Variants in C10orf143 observed in about 807,000 individuals in gnomAD.
The protein encoded by C10orf143 is chromosome 10 open reading frame 143, also known as uncharacterized protein C10orf143.
chr10:130,042,490 C>T (rs549144021), intron 3 of C10orf143, among the ~76,000 whole-genome samples: 2 of 152,372 alleles, frequency 1.3e-5, no homozygotes, highest in Admixed American at 1.3e-4. Flanking sequence ...AATTAGCTGG[C>T]GTGTTTGCTG....
intron 3 of C10orf143, among the ~76,000 whole-genome samples, chr10:130,046,526 C>T (rs1194619072): frequency 6.6e-6 from 1 of 152,202 alleles, no homozygotes; most frequent in Non-Finnish European, 1.5e-5. Context: ...TTCTTCATAA[C>T]CGAAGTGTGT....
intron 3 of C10orf143, among the ~76,000 whole-genome samples, chr10:130,037,830 G>C (rs999982886): frequency 1.3e-5 from 2 of 152,174 alleles, no homozygotes; most frequent in Admixed American, 1.3e-4. Flanking sequence ...CTTCAAATAT[G>C]AGGGGAAGAC....
At chr10:130,109,976 G>C (rs1033373457) in intron 1 of C10orf143, among the ~76,000 whole-genome samples, 8 of 152,144 alleles carry the variant, frequency 5.3e-5, no homozygotes, top group African/African-American at 1.9e-4. Context: ...TAAAATACAG[G>C]AATGCCAAGC....
intron 1 of C10orf143, among the ~76,000 whole-genome samples, chr10:130,090,713 T>G (rs1861367339): frequency 6.6e-6 from 1 of 152,078 alleles, no homozygotes; most frequent in Admixed American, 6.5e-5. Flanking sequence ...CCTGGGATGC[T>G]TGAGCTTGGT....
At chr10:130,063,645 G>C (rs548828167), downstream of C10orf143, among the ~76,000 whole-genome samples, 6 of 152,310 alleles carry the variant, frequency 3.9e-5, no homozygotes, top group African/African-American at 1.4e-4. Flanking sequence ...CAGTGCCGAG[G>C]ACACTCCCTG....
At chr10:130,090,735 G>A (rs923975460) in intron 1 of C10orf143, among the ~76,000 whole-genome samples, 2 of 152,114 alleles carry the variant, frequency 1.3e-5, no homozygotes, top group African/African-American at 2.4e-5. Flanking sequence ...GGGGGCGGGC[G>A]GGGCATCTGC....
chr10:130,042,690 C>T (rs1365652399), intron 3 of C10orf143, among the ~76,000 whole-genome samples: 2 of 152,302 alleles, frequency 1.3e-5, no homozygotes, highest in East Asian at 1.9e-4. Flanking sequence ...CCAGAGCTGC[C>T]GAAAGCCACA....
At chr10:130,097,836 C>T (rs2134800515) in intron 1 of C10orf143, among the ~76,000 whole-genome samples, 1 of 152,184 alleles carries the variant, frequency 6.6e-6, no homozygotes, top group Middle Eastern at 3.4e-3. Flanking sequence ...ACTCCCTTTA[C>T]AAGAAAGTTC....
intron 3 of C10orf143, among the ~76,000 whole-genome samples, chr10:130,078,784 A>G (rs1364059636): frequency 6.6e-6 from 1 of 152,192 alleles, no homozygotes; most frequent in Non-Finnish European, 1.5e-5. Context: ...TATTGACTCA[A>G]TCTTTTGCTT....
At chr10:130,085,773 AGTT>A (rs1861281649) in intron 1 of C10orf143, among the ~76,000 whole-genome samples, 1 of 113,648 alleles carries the variant, frequency 8.8e-6, no homozygotes, top group African/African-American at 2.8e-5. Flanking sequence ...CAAAATAACA[AGTT>A]TTTTAAAATG....
intron 1 of C10orf143, chr10:130,106,897 C>A: frequency 9.6e-7 from 1 of 1,040,998 alleles, no homozygotes; most frequent in Non-Finnish European, 1.5e-6. Flanking sequence ...TTAGAGAAGA[C>A]GTAACGGATG....
chr10:130,109,694 A>G (rs1444091382), intron 1 of C10orf143, among the ~76,000 whole-genome samples: 1 of 152,130 alleles, frequency 6.6e-6, no homozygotes, highest in African/African-American at 2.4e-5. Flanking sequence ...CCTAAGTGGT[A>G]CTGGCTTCAC....
At chr10:130,072,231 T>A (rs527633970) in intron 3 of C10orf143, among the ~76,000 whole-genome samples, 1 of 152,368 alleles carries the variant, frequency 6.6e-6, no homozygotes, top group Non-Finnish European at 1.5e-5. Context: ...TTGTAATATA[T>A]CTTGATATCT....
intron 1 of C10orf143, among the ~76,000 whole-genome samples, chr10:130,100,795 A>C (rs886106952): frequency 6.6e-6 from 1 of 152,248 alleles, no homozygotes; most frequent in African/African-American, 2.4e-5. Flanking sequence ...AATCAAACAC[A>C]GAAAAGAGAT....
At chr10:130,093,247 A>AG (rs1473066493) in intron 1 of C10orf143, among the ~76,000 whole-genome samples, 2 of 152,258 alleles carry the variant, frequency 1.3e-5, no homozygotes, top group African/African-American at 4.8e-5. Flanking sequence ...ATTAGAATTC[A>AG]GGATTAAGAA....
At chr10:130,048,366 T>C (rs1590004315) in intron 3 of C10orf143, among the ~76,000 whole-genome samples, 1 of 152,016 alleles carries the variant, frequency 6.6e-6, no homozygotes, top group African/African-American at 2.4e-5. Flanking sequence ...TGGCTGAGAG[T>C]AGGTTCCCTC....
intron 1 of C10orf143, among the ~76,000 whole-genome samples, chr10:130,100,648 A>G (rs546937890): frequency 3.3e-5 from 5 of 152,224 alleles, no homozygotes; most frequent in Non-Finnish European, 7.3e-5. Context: ...AAAAGATAAA[A>G]ATCAAATGTT....
intron 3 of C10orf143, among the ~76,000 whole-genome samples, chr10:130,042,194 T>G (rs1274551386): frequency 2.6e-5 from 4 of 152,258 alleles, no homozygotes; most frequent in African/African-American, 9.6e-5. Context: ...ACTTTCTGAT[T>G]CAGGGCTAGA....
At chr10:130,042,485 G>T (rs764169874) in intron 3 of C10orf143, among the ~76,000 whole-genome samples, 1 of 152,230 alleles carries the variant, frequency 6.6e-6, no homozygotes, top group Non-Finnish European at 1.5e-5. Context: ...TGGACAATTA[G>T]CTGGCGTGTT....
Sources: gnomAD v4.1 joint callset for allele counts (sites outside exome capture counted in the v4.1 genomes callset) on GRCh38, gnomAD v4.1.1 for gene constraint, MANE v1.5 for transcripts, NCBI Gene and HGNC (gene_info 2026-07-23, HGNC 2026-07-21) for gene names.